The following CYFIP1 variants were observed in gnomAD, a reference collection of about 807,000 sequenced individuals.
The protein encoded by CYFIP1 is cytoplasmic FMR1 interacting protein 1.
CYFIP1 carries 58 observed loss-of-function variants against 163.5 expected under a neutral mutation model. The ratio of observed to expected loss-of-function variants is 0.35; its 90% CI spans 0.29 to 0.44. The LOEUF is 0.44. Among genes scored for constraint, CYFIP1 ranks in the 20% least tolerant of loss-of-function variants. The pLI, the probability that CYFIP1 is intolerant of heterozygous loss-of-function variation, is 1.00. For synonymous variants in CYFIP1, 663 were observed against 660.7 expected, an observed-to-expected ratio of 1.00 and a Z score of -0.05; for missense variants, 1,338 against 1,653.8, an observed-to-expected ratio of 0.81 and a Z score of 3.31.
At chr15:22,905,332 C>A (rs74003073) in intron 21 of CYFIP1, 1 of 152,056 alleles carries the variant, frequency 6.6e-6, no homozygotes, top group Admixed American at 6.6e-5. Flanking sequence ...TGCCAGTCGG[C>A]CCTGTTCCGT....
intron 23 of CYFIP1, among the ~76,000 whole-genome samples, chr15:22,883,401 C>T (rs1415203466): frequency 6.6e-6 from 1 of 152,166 alleles, no homozygotes; most frequent in Non-Finnish European, 1.5e-5. Flanking sequence ...CACAGGGCAC[C>T]CCCGGAGCCG....
chr15:22,973,305 C>T (rs2063159205), intron 1 of CYFIP1, among the ~76,000 whole-genome samples: 1 of 110,944 alleles, frequency 9.0e-6, no homozygotes, highest in South Asian at 2.8e-4. Context: ...CAGAACGAGA[C>T]CTTGTCAAAA....
chr15:22,879,420 G>A, intron 26 of CYFIP1, among the ~76,000 whole-genome samples: 2 of 152,276 alleles, frequency 1.3e-5, no homozygotes, highest in Middle Eastern at 3.4e-3. Context: ...CCTAAGAGGG[G>A]GTGGGCTCCC....
At chr15:22,915,130 CT>C (rs397783359) in intron 16 of CYFIP1, 16,861 of 293,956 alleles carry the variant, frequency 0.057, no homozygotes, top group Middle Eastern at 0.11. Context: ...GGGAAAGTGT[CT>C]TTTTTTTTTT....
intron 13 of CYFIP1, among the ~76,000 whole-genome samples, chr15:22,920,214 G>T (rs1387949356): frequency 1.6e-5 from 2 of 127,144 alleles, no homozygotes; most frequent in African/African-American, 6.2e-5. Context: ...GCCCAGACTG[G>T]AGTGCAGTGG....
rs2061810067 is a variant in CYFIP1, at chr15:22,939,082, C to T, written c.795+110G>A. On this transcript the variant is annotated intron_variant, in intron 8 of 30. Coordinates refer to ENST00000617928, the MANE Select transcript of CYFIP1 (RefSeq NM_014608.6). ...GCAGGACGCTGTTCACACATGACAG[C>T]ATGCAAATAAGACACAGCTGTCAAA... The T allele has an allele frequency of 7.3e-6, 10 of 1,377,766 alleles. No individual in the cohort carries two copies. In the Admixed American group the frequency reaches 1.4e-4, roughly 20 times the overall value. 85.3% of individuals were successfully genotyped at this position (1,377,766 alleles called of 1,614,324 possible).
Sources: gnomAD v4.1 joint callset for allele counts (sites outside exome capture counted in the v4.1 genomes callset) on GRCh38, gnomAD v4.1.1 for gene constraint, MANE v1.5 for transcripts, NCBI Gene and HGNC (gene_info 2026-07-23, HGNC 2026-07-21) for gene names.